The following ACYP2 variants were observed in gnomAD, a reference collection of about 807,000 sequenced individuals.
ACYP2 encodes acylphosphatase 2, also known as acylphosphatase-2.
Under a neutral mutation model 11.2 loss-of-function variants are expected in ACYP2, and 12 were observed. That is an observed-to-expected ratio of 1.08 (90% CI 0.69 to 1.74). The LOEUF is 1.74. Ranked by LOEUF, ACYP2 falls within the 40% of genes most tolerant of loss-of-function variation. The pLI is 0.00. For synonymous variants in ACYP2, 43 were observed against 32.2 expected, an observed-to-expected ratio of 1.33 and a Z score of -1.13; for missense variants, 134 against 101.9, an observed-to-expected ratio of 1.31 and a Z score of -1.35.
intron 4 of ACYP2, among the ~76,000 whole-genome samples, chr2:54,086,266 C>A (rs568309814): frequency 6.6e-6 from 1 of 152,208 alleles, no homozygotes; most frequent in East Asian, 1.9e-4. Flanking sequence ...ACATTTTTTG[C>A]AGAACTGGAA....
intron 6 of ACYP2, among the ~76,000 whole-genome samples, chr2:54,269,545 C>T (rs576260295): frequency 9.9e-5 from 15 of 152,182 alleles, no homozygotes; most frequent in South Asian, 4.1e-4. Flanking sequence ...ACTCCCACAG[C>T]GTGTTCCTCA....
intron 2 of ACYP2, among the ~76,000 whole-genome samples, chr2:53,976,048 G>A (rs1485759485): frequency 6.6e-6 from 1 of 152,144 alleles, no homozygotes; most frequent in Non-Finnish European, 1.5e-5. Context: ...TTATGTCTTT[G>A]ATGTGCTTAT....
chr2:54,293,371 T>C (rs1689394238), intron 6 of ACYP2, among the ~76,000 whole-genome samples: 1 of 152,218 alleles, frequency 6.6e-6, no homozygotes, highest in Non-Finnish European at 1.5e-5. Flanking sequence ...TGTTCTGCCT[T>C]CTCTACTCCT....
At chr2:54,015,303 G>A (rs1423451846) in intron 2 of ACYP2, among the ~76,000 whole-genome samples, 6 of 136,134 alleles carry the variant, frequency 4.4e-5, no homozygotes, top group Non-Finnish European at 8.0e-5. Flanking sequence ...TGTGAGGACG[G>A]GAGTTCAAGA....
At chr2:54,067,917 G>A (rs1419577257) in intron 4 of ACYP2, among the ~76,000 whole-genome samples, 3 of 152,058 alleles carry the variant, frequency 2.0e-5, no homozygotes, top group Admixed American at 6.6e-5. Context: ...GTTATCTTAC[G>A]CATAAAATAT....
chr2:54,265,986 GAATTTATTA>G (rs1339089383), intron 6 of ACYP2, among the ~76,000 whole-genome samples: 2 of 152,114 alleles, frequency 1.3e-5, no homozygotes, highest in Non-Finnish European at 2.9e-5. Context: ...CAAAAATTGA[GAATTTATTA>G]TGCCCATAAA....
intron 4 of ACYP2, among the ~76,000 whole-genome samples, chr2:54,108,972 A>G (rs1036337619): frequency 6.6e-6 from 1 of 152,290 alleles, no homozygotes; most frequent in Middle Eastern, 3.4e-3. Flanking sequence ...TTTCATTAAT[A>G]AAGGTTTTAG....
chr2:54,017,304 TC>T (rs1673750243), intron 2 of ACYP2, among the ~76,000 whole-genome samples: 1 of 146,000 alleles, frequency 6.8e-6, no homozygotes, highest in South Asian at 2.1e-4. Flanking sequence ...AGAGTCTCAG[TC>T]TGTGCAGTGG....
At chr2:54,278,044 C>G (rs922518433) in intron 6 of ACYP2, among the ~76,000 whole-genome samples, 5 of 152,160 alleles carry the variant, frequency 3.3e-5, no homozygotes, top group Non-Finnish European at 5.9e-5. Flanking sequence ...CAGTGGCTCA[C>G]TCGGCTCACT....
intron 6 of ACYP2, among the ~76,000 whole-genome samples, chr2:54,144,599 A>G (rs902892781): frequency 1.3e-5 from 2 of 151,358 alleles, no homozygotes; most frequent in Admixed American, 1.3e-4. Context: ...GCTTGAACCC[A>G]GGAGCCAGAG....
intron 6 of ACYP2, among the ~76,000 whole-genome samples, chr2:54,302,496 A>G (rs775375823): frequency 6.6e-6 from 1 of 152,140 alleles, no homozygotes; most frequent in Non-Finnish European, 1.5e-5. Flanking sequence ...GAGAACCCCC[A>G]AAGTACAGTC....
intron 2 of ACYP2, among the ~76,000 whole-genome samples, chr2:54,037,076 G>A (rs1046367624): frequency 1.3e-5 from 2 of 152,154 alleles, no homozygotes; most frequent in African/African-American, 4.8e-5. Context: ...TTAATGTAGA[G>A]AAAAACTCCT....
At chr2:54,184,374 T>A (rs1338484382) in intron 6 of ACYP2, among the ~76,000 whole-genome samples, 5 of 152,170 alleles carry the variant, frequency 3.3e-5, no homozygotes, top group East Asian at 1.9e-4. Flanking sequence ...TTAATTTTTT[T>A]ATATTTTTGT....
intron 6 of ACYP2, among the ~76,000 whole-genome samples, chr2:54,265,229 G>A (rs572371621): frequency 6.6e-6 from 1 of 152,220 alleles, no homozygotes; most frequent in East Asian, 1.9e-4. Context: ...ACGTGGCTGG[G>A]GAGGCCTCAC....
chr2:54,068,622 T>C (rs2357896), intron 4 of ACYP2, among the ~76,000 whole-genome samples: 37,428 of 152,162 alleles, frequency 0.25, 5,218 homozygotes, highest in South Asian at 0.46. Flanking sequence ...ATTTCTGTTG[T>C]TGGATATTAT....
intron 2 of ACYP2, among the ~76,000 whole-genome samples, chr2:54,001,890 A>G (rs2104528030): frequency 6.6e-6 from 1 of 152,302 alleles, no homozygotes; most frequent in South Asian, 2.1e-4. Flanking sequence ...AATTGCGTGA[A>G]AAGTACAGAG....
intron 2 of ACYP2, among the ~76,000 whole-genome samples, chr2:53,988,582 A>T (rs1672135546): frequency 6.6e-6 from 1 of 151,674 alleles, no homozygotes. Flanking sequence ...ATGTATATGT[A>T]TATAAATATA....
chr2:54,126,355 G>A (rs955966714), intron 4 of ACYP2, among the ~76,000 whole-genome samples: 1 of 152,094 alleles, frequency 6.6e-6, no homozygotes, highest in Non-Finnish European at 1.5e-5. Flanking sequence ...TTTGTAACTG[G>A]TCATCTGACA....
intron 2 of ACYP2, among the ~76,000 whole-genome samples, chr2:54,018,543 T>A (rs1191939286): frequency 6.6e-6 from 1 of 151,552 alleles, no homozygotes; most frequent in Non-Finnish European, 1.5e-5. Flanking sequence ...CTAGGTGTGG[T>A]GGCTCATGCT....
Sources: gnomAD v4.1 joint callset for allele counts (sites outside exome capture counted in the v4.1 genomes callset) on GRCh38, gnomAD v4.1.1 for gene constraint, MANE v1.5 for transcripts, NCBI Gene and HGNC (gene_info 2026-07-23, HGNC 2026-07-21) for gene names.